The following LANCL1 variants were observed in gnomAD, a reference collection of about 807,000 sequenced individuals.
LANCL1 encodes the protein glutathione S-transferase LANCL1.
Under a neutral mutation model 50.6 loss-of-function variants are expected in LANCL1, and 50 were observed. The observed-to-expected ratio is 0.99, with a 90% CI of 0.79 to 1.25. The LOEUF (loss-of-function observed/expected upper bound fraction) is 1.25. LANCL1 is among the 50% of genes most tolerant of loss of function. The probability of loss-of-function intolerance (pLI) is 0.00; values close to 1 mark genes in which losing one functional copy is unlikely to be tolerated. For synonymous variants in LANCL1, 188 were observed against 178.6 expected, an observed-to-expected ratio of 1.05 and a Z score of -0.42; for missense variants, 532 against 480.7, an observed-to-expected ratio of 1.11 and a Z score of -1.00.
At chr2:210,438,213 C>A (rs1231653886) in intron 6 of LANCL1, among the ~76,000 whole-genome samples, 1 of 149,938 alleles carries the variant, frequency 6.7e-6, no homozygotes, top group East Asian at 2.0e-4. Context: ...TGGCTCCCTG[C>A]AACCTCCACC....
chr2:210,446,023 G>A (rs914273439), intron 4 of LANCL1, among the ~76,000 whole-genome samples: 1 of 152,220 alleles, frequency 6.6e-6, no homozygotes, highest in Admixed American at 6.5e-5. Flanking sequence ...AGGGGTGGCT[G>A]TGGGCACAAC....
chr2:210,455,151 A>C lies in LANCL1; in HGVS notation c.363T>G (p.Tyr121Ter). ...AGPLAVAAVL[Y>*]HKMNNEKQAE... ...CCTGCTTCTCATTGTTCATCTTGTG[A>C]TATAGCACAGCGGCCACTGCCAGGG... Residue 121 changes from tyrosine (Y) to a stop codon, truncating the protein, a stop_gained, in exon 4 of 10, where the codon TAT becomes TAG. Coordinates refer to ENST00000450366, the MANE Select transcript of LANCL1 (RefSeq NM_006055.3). LOFTEE classifies it high-confidence loss of function. 1 of 1,613,766 alleles carries C rather than the reference A, an allele frequency of 6.2e-7. No individual in the cohort carries two copies. Among genetic ancestry groups the C allele is most frequent in the Non-Finnish European group, 8.5e-7 (1 of 1,179,744 alleles).
At position 210,433,231 on chromosome 2, in the gene LANCL1, T is replaced by G. The variant is rs1449145405; in HGVS notation, c.*1256A>C. ...GTAGAAGCTGATGAGTCAAAACACT[T>G]GAACAGAATTTGAAGCACCAGAGAG... On this transcript the variant is annotated 3_prime_UTR_variant, in exon 10 of 10. Transcript: ENST00000450366. 2 of 152,502 alleles carry G rather than the reference T, an allele frequency of 1.3e-5. No homozygotes were observed. The highest frequency in any genetic ancestry group is 3.9e-4 in the East Asian group (2 of 5,190). 9.4% of individuals were successfully genotyped at this position (152,502 alleles called of 1,614,324 possible).
upstream of LANCL1, chr2:210,476,897 G>C (rs2105935244): frequency 1.3e-6 from 1 of 748,812 alleles, no homozygotes; most frequent in Non-Finnish European, 1.6e-6. Context: ...CTGGGTAGCA[G>C]AAGTGAGGAC....
chr2:210,464,271 G>C (rs535369640), intron 3 of LANCL1, among the ~76,000 whole-genome samples: 1 of 152,262 alleles, frequency 6.6e-6, no homozygotes, highest in Admixed American at 6.5e-5. Context: ...CTAACTAATT[G>C]TAATAATCAT....
chr2:210,474,639 T>TCA (rs1694305913), intron 2 of LANCL1, among the ~76,000 whole-genome samples: 2 of 150,756 alleles, frequency 1.3e-5, no homozygotes, highest in Non-Finnish European at 2.9e-5. Context: ...GGCATGAGAG[T>TCA]CACTTGGGCC....
chr2:210,463,133 A>G (rs1442363453), intron 3 of LANCL1, among the ~76,000 whole-genome samples: 1 of 152,208 alleles, frequency 6.6e-6, no homozygotes. Context: ...CCTTGAATGA[A>G]GTACTCAGCC....
rs928501096 is a variant in LANCL1, at chr2:210,436,502, G to GT, written c.874-111dup. The GT allele has an allele frequency of 5.5e-5, 57 of 1,027,340 alleles. No homozygotes were observed. In the African/African-American group the frequency reaches 7.8e-4, roughly 14 times the overall value. 63.6% of individuals were successfully genotyped at this position (1,027,340 alleles called of 1,614,324 possible). A position where few individuals can be genotyped will look rare whatever the true frequency, so the allele number is the denominator to read the frequency against. ...GAGGGAGATGGCTTGGCAAGAAAGGGTAAAGGATTTAGTGACAGAGGGATG... is the reference window on the plus strand; with the variant it reads ...GAGGGAGATGGCTTGGCAAGAAAGGGTTAAAGGATTTAGTGACAGAGGGATG... On this transcript the variant is annotated intron_variant, in intron 7 of 9. Transcript: ENST00000450366.
chr2:210,463,410 T>G (rs2105918118), intron 3 of LANCL1, among the ~76,000 whole-genome samples: 1 of 152,256 alleles, frequency 6.6e-6, no homozygotes, highest in Non-Finnish European at 1.5e-5. Flanking sequence ...ATTAGTGAAT[T>G]AATGCAACAC....
upstream of LANCL1, chr2:210,477,545 A>C: frequency 7.6e-7 from 1 of 1,316,202 alleles, no homozygotes; most frequent in Non-Finnish European, 9.7e-7. Flanking sequence ...TCCGGTTTCA[A>C]TGAAGAGTCC....
intron 7 of LANCL1, among the ~76,000 whole-genome samples, chr2:210,436,802 T>C (rs1692948455): frequency 6.6e-6 from 1 of 152,198 alleles, no homozygotes; most frequent in South Asian, 2.1e-4. Context: ...TTATTAAATA[T>C]GCAGTCAGAA....
At position 210,440,451 on chromosome 2, in the gene LANCL1, T is replaced by C. The variant is rs79468623; in HGVS notation, c.690+147A>G. The C allele has an allele frequency of 9.0e-4, 622 of 691,416 alleles. 1 individual carries two copies. In the African/African-American group the frequency reaches 9.4e-3, roughly 11 times the overall value. The allele number at this position is 691,416 out of a possible 1,614,324, so 42.8% of individuals were successfully genotyped here. ...GCACCTTCGTAAACATTACTTTTGT[T>C]TGTCTAGGACAAGTAATTACAAGGA... On this transcript the variant is annotated intron_variant, in intron 6 of 9. Transcript: ENST00000450366.
At chr2:210,463,454 A>G (rs533634203) in intron 3 of LANCL1, among the ~76,000 whole-genome samples, 1 of 152,266 alleles carries the variant, frequency 6.6e-6, no homozygotes, top group South Asian at 2.1e-4. Context: ...AACAGTAGTT[A>G]TTGGTGTACG....
chr2:210,461,364 A>C (rs1262559062), intron 3 of LANCL1, among the ~76,000 whole-genome samples: 2 of 134,186 alleles, frequency 1.5e-5, no homozygotes, highest in African/African-American at 5.0e-5. Flanking sequence ...GCCAGGGCTC[A>C]AATTAAACAC....
At position 210,476,743 on chromosome 2, in the gene LANCL1, A is replaced by T; in HGVS notation, c.-140T>A. The T allele has an allele frequency of 1.9e-6, 2 of 1,065,976 alleles. No individual in the cohort carries two copies. Among genetic ancestry groups the T allele is most frequent in the Non-Finnish European group, 2.3e-6 (2 of 879,812 alleles). The allele number at this position is 1,065,976 out of a possible 1,614,324, so 66.0% of individuals were successfully genotyped here. A position where few individuals can be genotyped will look rare whatever the true frequency, so the allele number is the denominator to read the frequency against. Reference sequence around the variant, plus strand: ...TCACCCCGCAGCCCCGGACAGTAACAGAAGGGCTATTTTACCGCCCAGTTC... The same window carrying T: ...TCACCCCGCAGCCCCGGACAGTAACTGAAGGGCTATTTTACCGCCCAGTTC... On this transcript the variant is annotated 5_prime_UTR_variant, in exon 1 of 10. Coordinates refer to ENST00000450366, the MANE Select transcript of LANCL1 (RefSeq NM_006055.3).
intron 2 of LANCL1, among the ~76,000 whole-genome samples, chr2:210,475,494 T>C (rs1425542204): frequency 6.6e-6 from 1 of 152,134 alleles, no homozygotes; most frequent in Non-Finnish European, 1.5e-5. Flanking sequence ...CACACCTGGC[T>C]AATTTTTAAA....
At chr2:210,443,545 TC>T (rs1418379174) in intron 4 of LANCL1, among the ~76,000 whole-genome samples, 1 of 152,238 alleles carries the variant, frequency 6.6e-6, no homozygotes, top group Non-Finnish European at 1.5e-5. Context: ...AAATTTTTCA[TC>T]TGTGAAATAA....
intron 4 of LANCL1, among the ~76,000 whole-genome samples, chr2:210,448,346 A>G (rs1693408118): frequency 6.6e-6 from 1 of 152,254 alleles, no homozygotes; most frequent in Non-Finnish European, 1.5e-5. Context: ...GCATACAGCT[A>G]AAGCAGCGTT....
At chr2:210,464,072 G>C (rs887650323) in intron 3 of LANCL1, among the ~76,000 whole-genome samples, 4 of 152,158 alleles carry the variant, frequency 2.6e-5, no homozygotes, top group Non-Finnish European at 1.5e-5. Context: ...ACTTTCTTAA[G>C]CAATTATTTG....
Sources: allele counts gnomAD v4.1 joint callset (sites outside exome capture counted in the v4.1 genomes callset), GRCh38; gene constraint gnomAD v4.1.1; transcripts MANE v1.5; gene names NCBI Gene and HGNC (gene_info 2026-07-23, HGNC 2026-07-21).